The following RFTN1 variants were observed in gnomAD, a reference collection of about 807,000 sequenced individuals.
RFTN1 encodes raftlin, lipid raft linker 1.
A neutral mutation model predicts 46.5 loss-of-function variants in RFTN1; 26 were observed. The ratio of observed to expected loss-of-function variants is 0.56; its 90% CI spans 0.41 to 0.78. The LOEUF is 0.78. Ranked by LOEUF, RFTN1 falls within the 30% of genes least tolerant of loss-of-function variation. The probability of loss-of-function intolerance (pLI) is 0.00; values close to 1 mark genes in which losing one functional copy is unlikely to be tolerated. For synonymous variants in RFTN1, 261 were observed against 284.2 expected (o/e 0.92, Z 0.82); for missense variants, 693 against 718.7 (o/e 0.96, Z 0.41).
chr3:16,432,417 C>T (rs2075406571), intron 3 of RFTN1, among the ~76,000 whole-genome samples: 1 of 152,040 alleles, frequency 6.6e-6, no homozygotes. Context: ...ACCTGGGAGG[C>T]TGAGGTGGGA....
At position 16,320,110 on chromosome 3, in the gene RFTN1, A is replaced by G. The variant is rs191140901; in HGVS notation, c.1333-2878T>C. Among the ~76,000 whole-genome samples, 677 of 152,384 alleles carry G rather than the reference A, an allele frequency of 4.4e-3. 2 individuals are homozygous for G. The highest frequency in any genetic ancestry group is 0.015 in the African/African-American group (636 of 41,592). On this transcript the variant is annotated intron_variant, in intron 9 of 9. Coordinates refer to ENST00000334133, the MANE Select transcript of RFTN1 (RefSeq NM_015150.2). The surrounding 1 kb of genome is among the most constrained non-coding windows in gnomAD (Gnocchi z 4.5). ...CAGTGTGTGTCCAGAGTTCCATGTC[A>G]GCAGGAGCCAATGGATTTAATTTGC...
intron 5 of RFTN1, among the ~76,000 whole-genome samples, chr3:16,375,768 C>T (rs1410516347): frequency 2.0e-5 from 3 of 152,168 alleles, no homozygotes; most frequent in African/African-American, 7.2e-5. Context: ...AAATTCTCAT[C>T]CACTGGTGGG....
intron 6 of RFTN1, among the ~76,000 whole-genome samples, chr3:16,358,530 G>A (rs2072616281): frequency 6.6e-6 from 1 of 151,810 alleles, no homozygotes; most frequent in Admixed American, 6.6e-5. Flanking sequence ...ACATGATGTG[G>A]GCTGCAGTCC....
Position 16,484,436 on chromosome 3 carries a change from C to T in RFTN1, c.145+9289G>A, listed in dbSNP as rs76181569. On this transcript the variant is annotated intron_variant, in intron 2 of 9. Transcript: ENST00000334133. The surrounding 1 kb of genome is among the most constrained non-coding windows in gnomAD (Gnocchi z 4.6). ...AGTTTAAGGCTAGAATGCTGGTGGCCGAAAGCCAAGTATGAGCCTGGTCAG... is the reference window on the plus strand; with the variant it reads ...AGTTTAAGGCTAGAATGCTGGTGGCTGAAAGCCAAGTATGAGCCTGGTCAG... Among the ~76,000 whole-genome samples the T allele has an allele frequency of 0.011, 1,735 of 152,200 alleles. 37 individuals are homozygous for T. The highest frequency in any genetic ancestry group is 0.039 in the African/African-American group (1,636 of 41,508).
intron 3 of RFTN1, among the ~76,000 whole-genome samples, chr3:16,430,466 T>C (rs2075364137): frequency 6.6e-6 from 1 of 151,898 alleles, no homozygotes; most frequent in East Asian, 1.9e-4. Context: ...TTCCCCATAA[T>C]ACAAAAAAAA....
Position 16,404,335 on chromosome 3 carries a change from A to AT in RFTN1, c.441+5039_441+5040insA, listed in dbSNP as rs1559328949. On this transcript the variant is annotated intron_variant, in intron 4 of 9. Coordinates refer to ENST00000334133, the MANE Select transcript of RFTN1 (RefSeq NM_015150.2). ...ATATTATATATAATATATAATATAT[A>AT]ATATATATAATATATAATATATATA... 9.8e-4 allele frequency among the ~76,000 whole-genome samples: 43 copies of AT among 43,978 alleles called. 10 individuals carry two copies. The highest frequency in any genetic ancestry group is 2.6e-3 in the Admixed American group (6 of 2,302). The allele number at this position is 43,978 out of a possible 152,430, so 28.9% of individuals were successfully genotyped here. A position where few individuals can be genotyped will look rare whatever the true frequency, so the allele number is the denominator to read the frequency against.
Position 16,338,902 on chromosome 3 carries a change from A to G in RFTN1, c.1147-12026T>C, listed in dbSNP as rs1202286462. On this transcript the variant is annotated intron_variant, in intron 7 of 9. Transcript: ENST00000334133. This position sits in a 1 kb window ranked among gnomAD's most constrained non-coding sequence, Gnocchi z 5.3. ...GGAATTCTAGAACCCAAAACTGTCA[A>G]CGTTGTCCCCTCCACCTGTCAGCAG... Among the ~76,000 whole-genome samples the G allele has an allele frequency of 1.3e-5, 2 of 152,224 alleles. No individual in the cohort carries two copies. The highest frequency in any genetic ancestry group is 2.1e-4 in the South Asian group (1 of 4,834).
intron 7 of RFTN1, chr3:16,347,928 GC>G (rs1190682027): frequency 6.6e-6 from 1 of 152,224 alleles, no homozygotes; most frequent in East Asian, 1.9e-4. Context: ...CAGTGAGGGA[GC>G]GGGAGAAGTC....
Position 16,455,536 on chromosome 3 carries a change from A to C in RFTN1, c.146-21499T>G, listed in dbSNP as rs1195796807. Among the ~76,000 whole-genome samples the C allele has an allele frequency of 2.0e-5, 3 of 152,188 alleles. No homozygotes were observed. In the East Asian group the frequency reaches 5.8e-4, roughly 29 times the overall value. ...AGCCAGCTGTATGTAAGGATTAGGA[A>C]AATTCTAAATAGGGGAGCATTCTGC... On this transcript the variant is annotated intron_variant, in intron 2 of 9. Transcript: ENST00000334133.
At chr3:16,392,856 A>C (rs1291153780) in intron 4 of RFTN1, among the ~76,000 whole-genome samples, 1 of 152,174 alleles carries the variant, frequency 6.6e-6, no homozygotes, top group Non-Finnish European at 1.5e-5. Context: ...AGATACTGAA[A>C]AAAGCTACTT....
rs1484808438 is a variant in RFTN1, at chr3:16,352,857, T to C, written c.1146+5075A>G. On this transcript the variant is annotated intron_variant, in intron 7 of 9. Coordinates refer to ENST00000334133, the MANE Select transcript of RFTN1 (RefSeq NM_015150.2). The surrounding 1 kb of genome is among the most constrained non-coding windows in gnomAD (Gnocchi z 4.6). ...CTTTTCACATAGTCTGTCACTCAGC[T>C]TGGAATCAGAGAGGCAGGATGCACA... is the stretch of plus-strand genomic sequence containing the variant. Among the ~76,000 whole-genome samples the C allele has an allele frequency of 1.3e-5, 2 of 152,236 alleles. No individual in the cohort carries two copies. The highest frequency in any genetic ancestry group is 2.9e-5 in the Non-Finnish European group (2 of 68,042).
At position 16,342,336 on chromosome 3, in the gene RFTN1, T is replaced by C; in HGVS notation, c.1147-15460A>G. The stretch of plus-strand genomic sequence containing the variant: ...CTGGCTTCTTTCACTTTAGCATATG[T>C]TCAAGGTTCATACATGTAGCATATA... On this transcript the variant is annotated intron_variant, in intron 7 of 9. Transcript: ENST00000334133. This position sits in a 1 kb window ranked among gnomAD's most constrained non-coding sequence, Gnocchi z 4.0. Among the ~76,000 whole-genome samples, 1 of 152,356 alleles carries C rather than the reference T, an allele frequency of 6.6e-6. No homozygotes were observed. Among genetic ancestry groups the C allele is most frequent in the African/African-American group, 2.4e-5 (1 of 41,582 alleles).
At chr3:16,390,064 A>G (rs2074310893) in intron 4 of RFTN1, among the ~76,000 whole-genome samples, 1 of 152,166 alleles carries the variant, frequency 6.6e-6, no homozygotes, top group African/African-American at 2.4e-5. Flanking sequence ...GCTACCACCA[A>G]ACAGCCCAGT....
Position 16,316,704 on chromosome 3 carries a change from G to C in RFTN1, c.*124C>G, listed in dbSNP as rs2068427924. On this transcript the variant is annotated 3_prime_UTR_variant, in exon 10 of 10. Coordinates refer to ENST00000334133, the MANE Select transcript of RFTN1 (RefSeq NM_015150.2). This position sits in a 1 kb window ranked among gnomAD's most constrained non-coding sequence, Gnocchi z 4.5. ...GAGGGCTCAGGTGAGCTCACAAGGA[G>C]AGGTCAAGCCAAGCCAAAGGGTAGG... The C allele has an allele frequency of 8.8e-7, 1 of 1,138,810 alleles. No individual in the cohort carries two copies. The allele number at this position is 1,138,810 out of a possible 1,614,324, so 70.5% of individuals were successfully genotyped here.
chr3:16,445,483 T>TCTCTCACACACA (rs1352210263), intron 2 of RFTN1, among the ~76,000 whole-genome samples: 85 of 126,852 alleles, frequency 6.7e-4, no homozygotes, highest in African/African-American at 1.2e-3. Context: ...TCTCTCTCTC[T>TCTCTCACACACA]CACACACACA....
At position 16,316,801 on chromosome 3, in the gene RFTN1, C is replaced by T. The variant is rs2068438510; in HGVS notation, c.*27G>A. The T allele has an allele frequency of 1.9e-6, 3 of 1,612,840 alleles. No individual in the cohort carries two copies. The East Asian group carries it at 6.7e-5, about 36-fold the overall frequency. ...AGATGCCTTGGGTTTGGCAACTCAC[C>T]TAGTTTTAGCACAAATTGCCCAAGA... On this transcript the variant is annotated 3_prime_UTR_variant, in exon 10 of 10. Transcript: ENST00000334133. The surrounding 1 kb of genome is among the most constrained non-coding windows in gnomAD (Gnocchi z 4.5).
chr3:16,429,081 G>C lies in RFTN1; in HGVS notation c.332+4770C>G, dbSNP rs970840053. Reference sequence around the variant, plus strand: ...ATTCATTCTTGAGTCAAAGTAACTTGAGTCAAAGTAACTGACTTGACTAAA... The same window carrying C: ...ATTCATTCTTGAGTCAAAGTAACTTCAGTCAAAGTAACTGACTTGACTAAA... On this transcript the variant is annotated intron_variant, in intron 3 of 9. Transcript: ENST00000334133. The surrounding 1 kb of genome is among the most constrained non-coding windows in gnomAD (Gnocchi z 6.4). Among the ~76,000 whole-genome samples, 3 of 152,182 alleles carry C rather than the reference G, an allele frequency of 2.0e-5. No individual in the cohort carries two copies. The highest frequency in any genetic ancestry group is 4.4e-5 in the Non-Finnish European group (3 of 68,032).
intron 2 of RFTN1, among the ~76,000 whole-genome samples, chr3:16,445,571 A>G (rs1310454176): frequency 4.6e-5 from 7 of 150,878 alleles, no homozygotes; most frequent in Non-Finnish European, 8.8e-5. Context: ...GCTATTGAGC[A>G]CTCAAAATGT....
At chr3:16,395,155 C>T (rs772021129) in intron 4 of RFTN1, among the ~76,000 whole-genome samples, 3 of 152,172 alleles carry the variant, frequency 2.0e-5, no homozygotes, top group Non-Finnish European at 2.9e-5. Flanking sequence ...ATATATTCCT[C>T]AAATGTTATA....
Sources: gnomAD v4.1 joint callset for allele counts (sites outside exome capture counted in the v4.1 genomes callset) on GRCh38, gnomAD v4.1.1 for gene constraint, Gnocchi (gnomAD v3.1) non-coding constraint, MANE v1.5 for transcripts, NCBI Gene and HGNC (gene_info 2026-07-23, HGNC 2026-07-21) for gene names.